UNC13C: variants seen among roughly 807,000 people sequenced by gnomAD.
The protein encoded by UNC13C is unc-13 homolog C.
In UNC13C, 174 loss-of-function variants were observed where a neutral mutation model predicts 245.4. That is an observed-to-expected ratio of 0.71 (90% CI 0.63 to 0.80). The LOEUF is 0.80. Among genes scored for constraint, UNC13C ranks in the 30% least tolerant of loss-of-function variants. The pLI is 0.00. For missense variants in UNC13C, 2,829 were observed against 2,602.9 expected (o/e 1.09, Z -1.89); for synonymous variants, 992 against 895.1 (o/e 1.11, Z -1.93).
At chr15:54,586,276 G>A (rs1898487071) in intron 30 of UNC13C, among the ~76,000 whole-genome samples, 1 of 152,110 alleles carries the variant, frequency 6.6e-6, no homozygotes, top group South Asian at 2.1e-4. Context: ...TTCCTTATAG[G>A]CTTCTTAACA....
At chr15:54,514,893 C>T (rs1377244314) in intron 24 of UNC13C, among the ~76,000 whole-genome samples, 1 of 152,082 alleles carries the variant, frequency 6.6e-6, no homozygotes, top group Non-Finnish European at 1.5e-5. Flanking sequence ...TAGACAGTTG[C>T]ATGCACAATA....
chr15:53,854,600 G>T, the UNC13C span, among the ~76,000 whole-genome samples: 1 of 152,178 alleles, frequency 6.6e-6, no homozygotes, highest in East Asian at 1.9e-4. Context: ...AGGTCAGATA[G>T]TTGTAGGTGT....
chr15:54,168,911 G>T (rs1038908552), intron 4 of UNC13C, among the ~76,000 whole-genome samples: 2 of 152,074 alleles, frequency 1.3e-5, no homozygotes, highest in Non-Finnish European at 2.9e-5. Context: ...TAATCACCAA[G>T]AATCAATAAA....
chr15:54,014,431 A>G lies in UNC13C; in HGVS notation c.1528A>G (p.Ile510Val), dbSNP rs369094470. The change falls in exon 2 of 33, where the codon ATC becomes GTC. Residue 510 changes from isoleucine (I) to valine (V), a missense_variant. Coordinates refer to ENST00000260323, the MANE Select transcript of UNC13C (RefSeq NM_001080534.3). Reference protein sequence around the residue: ...RISNKSDYDKISSQLPESDIL... With the variant: ...RISNKSDYDKVSSQLPESDIL... Reference sequence around the variant, plus strand: ...TTCAAATAAATCAGATTATGATAAAATCTCCTCACAGTTGCCAGAATCAGA... The same window carrying G: ...TTCAAATAAATCAGATTATGATAAAGTCTCCTCACAGTTGCCAGAATCAGA... 4 of 1,613,832 alleles carry G rather than the reference A, an allele frequency of 2.5e-6. No homozygotes were observed. Among genetic ancestry groups the G allele is most frequent in the African/African-American group, 1.3e-5 (1 of 75,058 alleles).
chr15:54,134,254 T>C (rs1595894455), intron 2 of UNC13C, among the ~76,000 whole-genome samples: 2 of 130,910 alleles, frequency 1.5e-5, no homozygotes, highest in African/African-American at 5.6e-5. Flanking sequence ...TGTTCTACTC[T>C]CCACTTTTAT....
chr15:54,217,438 G>A (rs1290499081), intron 4 of UNC13C, among the ~76,000 whole-genome samples: 1 of 151,918 alleles, frequency 6.6e-6, no homozygotes, highest in African/African-American at 2.4e-5. Context: ...TCAGAACTTT[G>A]TCGACCTGCC....
chr15:54,508,420 T>C (rs894563571), intron 23 of UNC13C, among the ~76,000 whole-genome samples: 11 of 152,118 alleles, frequency 7.2e-5, no homozygotes, highest in African/African-American at 2.2e-4. Context: ...TATTATATTT[T>C]ACATTTAATA....
rs775580502 is a variant in UNC13C at position 54,325,574 on chromosome 15, C to T, written c.4425+3479C>T. ...ATCCCTCCCCCAGCCCCTCACCCCT[C>T]GACAGGCCCCGGTGTGTGATGTTCC... On this transcript the variant is annotated intron_variant, in intron 14 of 32. Coordinates refer to ENST00000260323, the MANE Select transcript of UNC13C (RefSeq NM_001080534.3). Among the ~76,000 whole-genome samples the T allele has an allele frequency of 2.5e-4, 38 of 151,978 alleles. No individual in the cohort carries two copies. The Middle Eastern group carries it at 0.01, about 41-fold the overall frequency.
At chr15:54,203,873 CAT>C (rs1466829262) in intron 4 of UNC13C, among the ~76,000 whole-genome samples, 2 of 83,450 alleles carry the variant, frequency 2.4e-5, no homozygotes, top group Non-Finnish European at 5.5e-5. Flanking sequence ...TATACACAGA[CAT>C]ATACACATGT....
chr15:54,014,457 T>C lies in UNC13C; in HGVS notation c.1554T>C (p.Asp518=). ...TCTCCTCACAGTTGCCAGAATCAGA[T>C]ATCTTGGAAAAGCAAACCACAACCC... The part of the protein sequence containing the change: ...DKISSQLPES[D]ILEKQTTTHY... Residue 518 remains aspartate (D), a synonymous_variant, in exon 2 of 33, where the codon GAT becomes GAC. Coordinates refer to ENST00000260323, the MANE Select transcript of UNC13C (RefSeq NM_001080534.3). 1 of 1,613,788 alleles carries C rather than the reference T, an allele frequency of 6.2e-7. No individual in the cohort carries two copies. Among genetic ancestry groups the C allele is most frequent in the Non-Finnish European group, 8.5e-7 (1 of 1,179,804 alleles).
intron 2 of UNC13C, among the ~76,000 whole-genome samples, chr15:54,069,697 A>C (rs553336441): frequency 8.5e-5 from 13 of 152,334 alleles, no homozygotes; most frequent in African/African-American, 2.9e-4. Flanking sequence ...GCTCAGAAAA[A>C]CATAATTTGT....
At chr15:54,283,293 C>T (rs1310941714) in intron 10 of UNC13C, among the ~76,000 whole-genome samples, 3 of 151,802 alleles carry the variant, frequency 2.0e-5, no homozygotes, top group Admixed American at 6.6e-5. Context: ...CCACATAAAA[C>T]GATGTATATA....
intron 4 of UNC13C, among the ~76,000 whole-genome samples, chr15:54,158,751 G>T (rs143244893): frequency 6.6e-6 from 1 of 151,768 alleles, no homozygotes; most frequent in Non-Finnish European, 1.5e-5. Context: ...TCATACTTAA[G>T]TGATCCTCCT....
chr15:54,596,355 A>G lies in UNC13C; in HGVS notation c.6107-25972A>G, dbSNP rs148128317. On this transcript the variant is annotated intron_variant, in intron 30 of 32. Coordinates refer to ENST00000260323, the MANE Select transcript of UNC13C (RefSeq NM_001080534.3). The stretch of plus-strand genomic sequence containing the variant: ...CTAATTTCCCGCAAGGAAGGTGACT[A>G]TGGAGGCCAGCTTTGTTGTTTTTAC... Among the ~76,000 whole-genome samples the G allele has an allele frequency of 2.2e-4, 34 of 151,934 alleles. No individual in the cohort carries two copies. The East Asian group carries it at 6.2e-3, about 28-fold the overall frequency.
At chr15:53,970,132 A>T in the UNC13C span, among the ~76,000 whole-genome samples, 897 of 148,478 alleles carry the variant, frequency 6.0e-3, 14 homozygotes, top group African/African-American at 0.021. Flanking sequence ...CTCACTCCTC[A>T]CTCCAACCTT....
intron 32 of UNC13C, among the ~76,000 whole-genome samples, 188 bp from the exon 33 acceptor site, chr15:54,626,640 C>CTAGGGAAAAAGTCATTT (rs1207136348): frequency 6.6e-6 from 1 of 151,976 alleles, no homozygotes; most frequent in South Asian, 2.1e-4. Context: ...TCTTTTCTAT[C>CTAGGGAAAAAGTCATTT]TAGGGAAAAA....
At chr15:54,132,246 A>G (rs151292406) in intron 2 of UNC13C, among the ~76,000 whole-genome samples, 1,870 of 151,302 alleles carry the variant, frequency 0.012, 31 homozygotes, top group African/African-American at 0.043. Flanking sequence ...AATTTTTTGT[A>G]TTTTTAGTAG....
At position 54,375,161 on chromosome 15, in the gene UNC13C, G is replaced by A. The variant is rs749426674; in HGVS notation, c.4714-17887G>A. Among the ~76,000 whole-genome samples, 84 of 152,166 alleles carry A rather than the reference G, an allele frequency of 5.5e-4. 1 individual carries two copies. Among genetic ancestry groups the A allele is most frequent in the Admixed American group, 2.6e-4 (4 of 15,278 alleles). ...AGTTAGGATATGTGTGTAATTGACT[G>A]CACTAGGTAAAGCTTGGATGTTTTC... On this transcript the variant is annotated intron_variant, in intron 17 of 32. Transcript: ENST00000260323.
At chr15:53,987,835 G>C (rs779106491) in intron 1 of UNC13C, among the ~76,000 whole-genome samples, 16 of 152,048 alleles carry the variant, frequency 1.1e-4, no homozygotes, top group Non-Finnish European at 1.9e-4. Context: ...TCCTGATTGA[G>C]AGATATATTT....
Sources: allele counts gnomAD v4.1 joint callset (sites outside exome capture counted in the v4.1 genomes callset), GRCh38; gene constraint gnomAD v4.1.1; transcripts MANE v1.5; gene names NCBI Gene and HGNC (gene_info 2026-07-23, HGNC 2026-07-21).